XAF1: variants seen among roughly 807,000 people sequenced by gnomAD.
XAF1 encodes XIAP associated factor 1.
In XAF1, 32 loss-of-function variants were observed where a neutral mutation model predicts 32.3. The observed-to-expected ratio is 0.99, with a 90% CI of 0.75 to 1.33. The LOEUF is 1.33. XAF1 is among the 40% of genes most tolerant of loss of function. The pLI, the probability that XAF1 is intolerant of heterozygous loss-of-function variation, is 0.00. For synonymous variants in XAF1, 120 were observed against 125.9 expected (o/e 0.95, Z 0.31); for missense variants, 379 against 366.0 (o/e 1.04, Z -0.29).
chr17:6,758,410 G>A, intron 2 of XAF1, 186 bp downstream of exon 2: 4 of 889,470 alleles, frequency 4.5e-6, no homozygotes, highest in Non-Finnish European at 6.7e-6. Context: ...GAGAGTCAAG[G>A]CGAGTGTTCA....
At chr17:6,755,501 C>T (rs1431370448), upstream of XAF1, 24 of 987,938 alleles carry the variant, frequency 2.4e-5, no homozygotes, top group Non-Finnish European at 2.9e-5. Context: ...TCTGGAAAAA[C>T]TCTAAGGACC....
In XAF1 at chr17:6,770,131, G is replaced by A. The variant is rs571809927; in HGVS notation, c.508-512G>A. ...CCAGTCCATTTGTGCTGCTATAACA[G>A]GATGCCACAGACAGAGTAATAATAA... On this transcript the variant is annotated intron_variant, in intron 5 of 6. Coordinates refer to ENST00000361842, the MANE Select transcript of XAF1 (RefSeq NM_017523.5). Among the ~76,000 whole-genome samples the A allele has an allele frequency of 6.6e-5, 10 of 152,286 alleles. No individual in the cohort carries two copies. In the East Asian group the frequency reaches 1.9e-3, roughly 29 times the overall value.
In XAF1 at chr17:6,760,436, TG is replaced by T; in HGVS notation, c.257del (p.Cys86LeufsTer74). The T allele has an allele frequency of 6.2e-7, 1 of 1,611,306 alleles. No individual in the cohort carries two copies. Among genetic ancestry groups the T allele is most frequent in the Non-Finnish European group, 8.5e-7 (1 of 1,179,392 alleles). ...TGAGTGCCAGGAGCGCCCTGTTGAG[TG>T]TAAGTTCTGCAAACTGGACATGCAG... ...ANECQERPVE[C>X]KFCKLDMQLS... On this transcript the variant is annotated frameshift_variant, in exon 4 of 7. Transcript: ENST00000361842. LOFTEE classifies it high-confidence loss of function.
chr17:6,772,390 T>C (rs1976101382), intron 6 of XAF1, among the ~76,000 whole-genome samples: 3 of 149,480 alleles, frequency 2.0e-5, no homozygotes, highest in East Asian at 2.0e-4. Context: ...ATAACCACCA[T>C]ACAAACATAC....
Position 6,774,138 on chromosome 17 carries a change from A to G in XAF1, c.*969A>G, listed in dbSNP as rs1976262432. ...AAAGCTGGAGGCATCGCATTACCCA[A>G]CTTCAAACTATACTACAGGGCTACA... On this transcript the variant is annotated 3_prime_UTR_variant, in exon 7 of 7. Transcript: ENST00000361842. 6.6e-6 allele frequency: 1 copy of G among 152,210 alleles called. No homozygotes were observed. Among genetic ancestry groups the G allele is most frequent in the African/African-American group, 2.4e-5 (1 of 41,450 alleles). The allele number at this position is 152,210 out of a possible 1,614,324, so 9.4% of individuals were successfully genotyped here. A position where few individuals can be genotyped will look rare whatever the true frequency, so the allele number is the denominator to read the frequency against.
chr17:6,760,893 G>T (rs1975150104), intron 4 of XAF1, among the ~76,000 whole-genome samples: 1 of 152,202 alleles, frequency 6.6e-6, no homozygotes, highest in Non-Finnish European at 1.5e-5. Flanking sequence ...GGTGGCTAAT[G>T]CCTGTAATCC....
intron 5 of XAF1, among the ~76,000 whole-genome samples, chr17:6,764,411 C>T (rs1351859917): frequency 6.6e-6 from 1 of 152,180 alleles, no homozygotes; most frequent in Non-Finnish European, 1.5e-5. Context: ...CAGCAATTCT[C>T]CCCTCTCTGT....
At chr17:6,764,234 A>G (rs368431479) in intron 5 of XAF1, among the ~76,000 whole-genome samples, 2 of 152,332 alleles carry the variant, frequency 1.3e-5, no homozygotes, top group East Asian at 1.9e-4. Flanking sequence ...AGCCAACACC[A>G]GATCTATCTC....
intron 3 of XAF1, 131 bp from the exon 4 acceptor site, chr17:6,760,275 G>A: frequency 3.5e-6 from 3 of 854,602 alleles, no homozygotes; most frequent in Non-Finnish European, 5.3e-6. Context: ...TTGAACCCGG[G>A]AGGCGGAGGT....
chr17:6,774,514 A>G lies in XAF1; in HGVS notation c.*1345A>G, dbSNP rs1042772477. 1 of 152,244 alleles carries G rather than the reference A, an allele frequency of 6.6e-6. No homozygotes were observed. The highest frequency in any genetic ancestry group is 2.4e-5 in the African/African-American group (1 of 41,456). The allele number at this position is 152,244 out of a possible 1,614,324, so 9.4% of individuals were successfully genotyped here. On this transcript the variant is annotated 3_prime_UTR_variant, in exon 7 of 7. Transcript: ENST00000361842. ...ATTCTGGACATAGGAACGGAAAAAG[A>G]TTTCATGACAAAGATCCCAAAAATA... is the stretch of plus-strand genomic sequence containing the variant.
intron 6 of XAF1, among the ~76,000 whole-genome samples, chr17:6,772,540 G>A (rs969240760): frequency 5.1e-5 from 7 of 137,874 alleles, no homozygotes; most frequent in South Asian, 2.3e-4. Context: ...GTGGGATCTC[G>A]GCTCACTGCG....
Position 6,773,985 on chromosome 17 carries a change from T to C in XAF1, c.*816T>C, listed in dbSNP as rs1002200561. Reference sequence around the variant, plus strand: ...TGGCCATACTACCCAAAGCAATTTATAGATTCAATGCTATTCCTATCAAAC... The same window carrying C: ...TGGCCATACTACCCAAAGCAATTTACAGATTCAATGCTATTCCTATCAAAC... On this transcript the variant is annotated 3_prime_UTR_variant, in exon 7 of 7. Coordinates refer to ENST00000361842, the MANE Select transcript of XAF1 (RefSeq NM_017523.5). 29 of 152,124 alleles carry C rather than the reference T, an allele frequency of 1.9e-4. No homozygotes were observed. Among genetic ancestry groups the C allele is most frequent in the African/African-American group, 6.5e-4 (27 of 41,408 alleles). The allele number at this position is 152,124 out of a possible 1,614,324, so 9.4% of individuals were successfully genotyped here. A position where few individuals can be genotyped will look rare whatever the true frequency, so the allele number is the denominator to read the frequency against.
In XAF1 at chr17:6,773,104, A is replaced by T; in HGVS notation, c.850-9A>T. The T allele has an allele frequency of 1.2e-6, 2 of 1,601,484 alleles. No homozygotes were observed. Among genetic ancestry groups the T allele is most frequent in the Admixed American group, 3.5e-5 (2 of 56,450 alleles). On this transcript the variant is annotated splice_polypyrimidine_tract_variant and intron_variant, in intron 6 of 6. Coordinates refer to ENST00000361842, the MANE Select transcript of XAF1 (RefSeq NM_017523.5). ...ACCATATCAAACTTTTTTTATATCC[A>T]TTTCTTAGGAGAAATGCCGGTGGTT...
intron 5 of XAF1, among the ~76,000 whole-genome samples, chr17:6,763,308 A>C (rs1216493848): frequency 6.6e-6 from 1 of 152,064 alleles, no homozygotes; most frequent in Non-Finnish European, 1.5e-5. Flanking sequence ...TCAGCATTTC[A>C]TTCCTTTTAA....
chr17:6,759,587 T>C (rs1975009406), intron 2 of XAF1, 75 bp from the exon 3 acceptor site: 1 of 1,601,020 alleles, frequency 6.2e-7, no homozygotes, highest in African/African-American at 1.3e-5. Context: ...TGAGCCAAAG[T>C]GGATGTGGGG....
intron 3 of XAF1, 125 bp from the exon 4 acceptor site, chr17:6,760,281 G>A (rs992188364): frequency 5.4e-6 from 5 of 920,392 alleles, no homozygotes; most frequent in Non-Finnish European, 8.0e-6. Flanking sequence ...CCGGGAGGCG[G>A]AGGTTGCAGT....
chr17:6,756,732 G>A (rs1974705423), intron 1 of XAF1, among the ~76,000 whole-genome samples: 1 of 152,178 alleles, frequency 6.6e-6, no homozygotes, highest in Non-Finnish European at 1.5e-5. Context: ...AAGAGCAGGG[G>A]GAGAAGGGGC....
At chr17:6,763,929 A>G (rs560083413) in intron 5 of XAF1, among the ~76,000 whole-genome samples, 27 of 152,300 alleles carry the variant, frequency 1.8e-4, no homozygotes, top group African/African-American at 6.0e-4. Context: ...TAAGTGGTCC[A>G]TGTGTTCTGT....
chr17:6,771,180 C>T (rs867521102), intron 6 of XAF1, 196 bp downstream of exon 6: 1 of 536,772 alleles, frequency 1.9e-6, no homozygotes. Context: ...CTCCGAGAGA[C>T]TGAGTCACCT....
Sources: gnomAD v4.1 joint callset for allele counts (sites outside exome capture counted in the v4.1 genomes callset) on GRCh38, gnomAD v4.1.1 for gene constraint, MANE v1.5 for transcripts, NCBI Gene and HGNC (gene_info 2026-07-23, HGNC 2026-07-21) for gene names.